The following DZIP3 variants were observed in gnomAD, a reference collection of about 807,000 sequenced individuals.
DZIP3 encodes the protein E3 ubiquitin-protein ligase DZIP3.
DZIP3 carries 118 observed loss-of-function variants against 162.0 expected under a neutral mutation model. The ratio of observed to expected loss-of-function variants is 0.73; its 90% CI spans 0.63 to 0.85. DZIP3 has a LOEUF of 0.85. Ranked by LOEUF, DZIP3 falls within the 40% of genes least tolerant of loss-of-function variation. The probability of loss-of-function intolerance (pLI) is 0.00; values close to 1 mark genes in which losing one functional copy is unlikely to be tolerated. For synonymous variants in DZIP3, 438 were observed against 458.6 expected (o/e 0.96, Z 0.57); for missense variants, 1,331 against 1,407.0 (o/e 0.95, Z 0.86).
intron 15 of DZIP3, 21 bp from the exon 16 acceptor site, chr3:108,647,922 A>G: frequency 1.4e-6 from 2 of 1,476,426 alleles, no homozygotes; most frequent in Non-Finnish European, 9.0e-7. Flanking sequence ...AGATTTTGAG[A>G]ATTTTGTCTT....
intron 17 of DZIP3, among the ~76,000 whole-genome samples, chr3:108,650,875 T>C (rs1452813982): frequency 6.6e-6 from 1 of 151,560 alleles, no homozygotes; most frequent in Non-Finnish European, 1.5e-5. Flanking sequence ...CAACTGCCGT[T>C]TTAAAAAAAG....
chr3:108,663,594 A>G (rs949753190), intron 21 of DZIP3, among the ~76,000 whole-genome samples: 8 of 152,062 alleles, frequency 5.3e-5, no homozygotes, highest in African/African-American at 1.4e-4. Flanking sequence ...TCAGCATTCA[A>G]AACTTCATCT....
chr3:108,609,057 A>G (rs896634885), intron 3 of DZIP3, among the ~76,000 whole-genome samples: 1 of 152,138 alleles, frequency 6.6e-6, no homozygotes, highest in Non-Finnish European at 1.5e-5. Flanking sequence ...TTAAACAACA[A>G]GATCTTGTGG....
At chr3:108,677,465 T>C in intron 25 of DZIP3, 32 bp from the exon 26 acceptor site, 2 of 1,574,900 alleles carry the variant, frequency 1.3e-6, no homozygotes, top group Non-Finnish European at 1.7e-6. Context: ...AGTTGGTTGT[T>C]CTCTAAAGTA....
intron 26 of DZIP3, among the ~76,000 whole-genome samples, chr3:108,679,131 A>C (rs180870010): frequency 8.3e-4 from 127 of 152,220 alleles, no homozygotes; most frequent in African/African-American, 2.7e-3. Flanking sequence ...GGGATGTCTA[A>C]AAACACTGTA....
intron 1 of DZIP3, among the ~76,000 whole-genome samples, chr3:108,599,269 A>C (rs1479706174): frequency 6.6e-6 from 1 of 152,158 alleles, no homozygotes; most frequent in African/African-American, 2.4e-5. Flanking sequence ...TTTTGCAAAG[A>C]TTTTTCCACC....
At chr3:108,626,514 A>G (rs1461115735) in intron 7 of DZIP3, among the ~76,000 whole-genome samples, 1 of 152,214 alleles carries the variant, frequency 6.6e-6, no homozygotes, top group South Asian at 2.1e-4. Context: ...ATTGGCTACT[A>G]CTTTTAAGAA....
At chr3:108,679,769 G>C (rs181195919) in intron 26 of DZIP3, among the ~76,000 whole-genome samples, 3 of 152,154 alleles carry the variant, frequency 2.0e-5, no homozygotes, top group East Asian at 3.9e-4. Flanking sequence ...AATTGTACTG[G>C]ATGATCTGAT....
rs752291727 is a variant in DZIP3 at position 108,677,603 on chromosome 3, G to A, written c.2883+5G>A. 1.2e-6 allele frequency: 2 copies of A among 1,608,848 alleles called. No individual in the cohort carries two copies. The highest frequency in any genetic ancestry group is 1.7e-6 in the Non-Finnish European group (2 of 1,175,826). ...CCACCCAGTCCTGAGATACTGGTAA[G>A]AAATACAACATTTTGAATAATTGCC... On this transcript the variant is annotated splice_donor_5th_base_variant and intron_variant, in intron 26 of 32. Transcript: ENST00000361582.
intron 26 of DZIP3, among the ~76,000 whole-genome samples, chr3:108,683,923 T>C (rs1344070925): frequency 6.6e-6 from 1 of 152,156 alleles, no homozygotes; most frequent in African/African-American, 2.4e-5. Flanking sequence ...ATTTTATAGA[T>C]TAGGAAATTG....
At chr3:108,631,055 A>ACACACACACACAGACACTCTCTCT in intron 8 of DZIP3, among the ~76,000 whole-genome samples, 2 of 18,014 alleles carry the variant, frequency 1.1e-4, no homozygotes, top group South Asian at 2.3e-3. Flanking sequence ...ACACACACAC[A>ACACACACACACAGACACTCTCTCT]CTCTCTCTCT....
At chr3:108,601,840 T>C (rs1388394680) in intron 1 of DZIP3, among the ~76,000 whole-genome samples, 5 of 152,302 alleles carry the variant, frequency 3.3e-5, no homozygotes, top group African/African-American at 1.2e-4. Context: ...GAACTGAAAA[T>C]TACCAGATCA....
At chr3:108,642,391 T>G in intron 12 of DZIP3, 47 bp from the exon 13 acceptor site, 1 of 1,438,660 alleles carries the variant, frequency 7.0e-7, no homozygotes, top group Non-Finnish European at 9.3e-7. Flanking sequence ...TGACTGACTT[T>G]GGTATTATTT....
At chr3:108,650,039 C>T (rs990758322) in intron 17 of DZIP3, among the ~76,000 whole-genome samples, 5 of 151,568 alleles carry the variant, frequency 3.3e-5, no homozygotes, top group Admixed American at 2.6e-4. Flanking sequence ...TAAAACTGGC[C>T]AAGTAAATTC....
At chr3:108,668,960 A>C (rs1282873932) in intron 21 of DZIP3, among the ~76,000 whole-genome samples, 1 of 151,998 alleles carries the variant, frequency 6.6e-6, no homozygotes, top group East Asian at 1.9e-4. Flanking sequence ...GGTTTATGTA[A>C]AAGCTTGCTT....
At chr3:108,596,307 A>T (rs1186880164) in intron 1 of DZIP3, among the ~76,000 whole-genome samples, 1 of 152,138 alleles carries the variant, frequency 6.6e-6, no homozygotes, top group East Asian at 1.9e-4. Flanking sequence ...TTATGTTGTG[A>T]TGTTAGACAT....
At chr3:108,676,677 T>G (rs1944122488) in intron 25 of DZIP3, among the ~76,000 whole-genome samples, 1 of 152,076 alleles carries the variant, frequency 6.6e-6, no homozygotes, top group South Asian at 2.1e-4. Context: ...TCCAACTCCC[T>G]TGGGGGTTTT....
At chr3:108,692,889 A>G (rs1944749734) in intron 32 of DZIP3, among the ~76,000 whole-genome samples, 1 of 147,304 alleles carries the variant, frequency 6.8e-6, no homozygotes, top group Non-Finnish European at 1.5e-5. Context: ...ATAAGTTTTA[A>G]TATATATTAT....
chr3:108,655,752 G>A (rs1192030456), intron 19 of DZIP3, among the ~76,000 whole-genome samples: 5 of 152,280 alleles, frequency 3.3e-5, no homozygotes, highest in African/African-American at 9.6e-5. Flanking sequence ...TCCTAGCCAA[G>A]GAAAGGGTGA....
Sources: gnomAD v4.1 joint callset for allele counts (sites outside exome capture counted in the v4.1 genomes callset) on GRCh38, gnomAD v4.1.1 for gene constraint, MANE v1.5 for transcripts, NCBI Gene and HGNC (gene_info 2026-07-23, HGNC 2026-07-21) for gene names.